Variants in C7 observed in about 807,000 individuals in gnomAD.
C7 encodes complement C7, also known as complement component C7.
Under a neutral mutation model 104.8 loss-of-function variants are expected in C7, and 83 were observed. The ratio of observed to expected loss-of-function variants is 0.79; its 90% CI spans 0.66 to 0.95. The LOEUF (loss-of-function observed/expected upper bound fraction) is 0.95. Among genes scored for constraint, C7 ranks in the 40% least tolerant of loss-of-function variants. The pLI, the probability that C7 is intolerant of heterozygous loss-of-function variation, is 0.00. For synonymous variants in C7, 415 were observed against 360.6 expected (o/e 1.15, Z -1.71); for missense variants, 1,070 against 1,011.2 (o/e 1.06, Z -0.79).
chr5:40,959,645 A>C (rs1229773324), intron 12 of C7, 25 bp downstream of exon 12: 9 of 1,543,910 alleles, frequency 5.8e-6, no homozygotes, highest in Non-Finnish European at 7.9e-6. Flanking sequence ...ACCCCCTGGC[A>C]GTTGCATAGA....
At chr5:40,933,782 C>A (rs1456969224) in intron 3 of C7, among the ~76,000 whole-genome samples, 1 of 152,166 alleles carries the variant, frequency 6.6e-6, no homozygotes, top group African/African-American at 2.4e-5. Flanking sequence ...AACCCCTTTC[C>A]CAGTACCTTA....
intron 1 of C7, among the ~76,000 whole-genome samples, chr5:40,924,157 T>C (rs145973292): frequency 8.5e-4 from 129 of 152,320 alleles, no homozygotes; most frequent in African/African-American, 2.6e-3. Context: ...CAAGATAGAA[T>C]TGGGGTACAG....
chr5:40,952,478 T>TTTTG (rs1554043105), intron 9 of C7, among the ~76,000 whole-genome samples: 1 of 149,224 alleles, frequency 6.7e-6, no homozygotes, highest in Non-Finnish European at 1.5e-5. Context: ...CTGTAATTCT[T>TTTTG]TTTATTTATT....
rs1006485988 is a variant in C7 at position 40,983,590 on chromosome 5, T to C, written c.*2017T>C. Among the ~76,000 whole-genome samples, 5 of 152,198 alleles carry C rather than the reference T, an allele frequency of 3.3e-5. No individual in the cohort carries two copies. The highest frequency in any genetic ancestry group is 7.3e-5 in the Non-Finnish European group (5 of 68,030). On this transcript the variant is annotated 3_prime_UTR_variant, in exon 18 of 18. Coordinates refer to ENST00000313164, the MANE Select transcript of C7 (RefSeq NM_000587.4). ...TCCTTTTCTTTTCTGAACATTCTTG[T>C]GCTGACCTTTCCTCTAGTCCAACAG...
rs6865949 is a variant in C7 at position 40,915,629 on chromosome 5, C to A, written c.6+6013C>A. Reference sequence around the variant, plus strand: ...ATTTAAAACAAAAACGTCTTAAAAACTTATACGATCCACATGTTTGTTGAA... The same window carrying A: ...ATTTAAAACAAAAACGTCTTAAAAAATTATACGATCCACATGTTTGTTGAA... On this transcript the variant is annotated intron_variant, in intron 1 of 17. Coordinates refer to ENST00000313164, the MANE Select transcript of C7 (RefSeq NM_000587.4). Among the ~76,000 whole-genome samples, 1,128 of 152,224 alleles carry A rather than the reference C, an allele frequency of 7.4e-3. 18 individuals carry two copies. The highest frequency in any genetic ancestry group is 0.026 in the African/African-American group (1,083 of 41,542).
In C7 at chr5:40,931,135, C is replaced by T. The variant is rs78327832; in HGVS notation, c.134C>T (p.Thr45Ile). Residue 45 changes from threonine (T) to isoleucine (I), a missense_variant, in exon 3 of 18, where the codon ACT becomes ATT. Transcript: ENST00000313164. ...PWSECNGCTK[T>I]QTRRRSVAVY... ...TCAGAATGCAATGGCTGTACCAAGA[C>T]TCAGGTAGGACCATGCAAAACTTTG... 834 of 1,611,540 alleles carry T rather than the reference C, an allele frequency of 5.2e-4. 7 individuals carry two copies. The Admixed American group carries it at 6.2e-3, about 12-fold the overall frequency.
At position 40,981,697 on chromosome 5, in the gene C7, A is replaced by T; in HGVS notation, c.*124A>T. On this transcript the variant is annotated 3_prime_UTR_variant, in exon 18 of 18. Transcript: ENST00000313164. The stretch of plus-strand genomic sequence containing the variant: ...TCTCCAGTGTCTACCTTCCTCCTCA[A>T]CTCCCAGCCATCTGTATAAACACAA... The T allele has an allele frequency of 1.4e-6, 1 of 717,588 alleles. No homozygotes were observed. The allele number at this position is 717,588 out of a possible 1,614,324, so 44.5% of individuals were successfully genotyped here.
chr5:40,940,530 C>T (rs143555638), intron 6 of C7, among the ~76,000 whole-genome samples: 7 of 152,226 alleles, frequency 4.6e-5, no homozygotes, highest in African/African-American at 1.7e-4. Flanking sequence ...AAGAGAAATC[C>T]TAAATGCATA....
chr5:40,932,713 G>A (rs1739722244), intron 3 of C7, among the ~76,000 whole-genome samples: 2 of 152,222 alleles, frequency 1.3e-5, no homozygotes, highest in South Asian at 2.1e-4. Context: ...CATCAAACAC[G>A]TTAAATATTT....
chr5:40,964,262 C>T (rs1409938013), intron 13 of C7, among the ~76,000 whole-genome samples: 7 of 151,594 alleles, frequency 4.6e-5, no homozygotes, highest in African/African-American at 1.5e-4. Context: ...AGGCTGGTCT[C>T]GAACTCCTGA....
In C7 at chr5:40,981,705, C is replaced by T; in HGVS notation, c.*132C>T. 1 of 695,940 alleles carries T rather than the reference C, an allele frequency of 1.4e-6. No individual in the cohort carries two copies. The highest frequency in any genetic ancestry group is 1.8e-5 in the African/African-American group (1 of 55,814). The allele number at this position is 695,940 out of a possible 1,614,324, so 43.1% of individuals were successfully genotyped here. A position where few individuals can be genotyped will look rare whatever the true frequency, so the allele number is the denominator to read the frequency against. ...GTCTACCTTCCTCCTCAACTCCCAGCCATCTGTATAAACACAATCCTTTGT... is the reference window on the plus strand; with the variant it reads ...GTCTACCTTCCTCCTCAACTCCCAGTCATCTGTATAAACACAATCCTTTGT... On this transcript the variant is annotated 3_prime_UTR_variant, in exon 18 of 18. Coordinates refer to ENST00000313164, the MANE Select transcript of C7 (RefSeq NM_000587.4).
At chr5:40,939,193 C>T (rs368047504) in intron 6 of C7, among the ~76,000 whole-genome samples, 3 of 152,152 alleles carry the variant, frequency 2.0e-5, no homozygotes, top group South Asian at 2.1e-4. Context: ...GCAAACATAC[C>T]GTCTTCCAAT....
intron 1 of C7, among the ~76,000 whole-genome samples, chr5:40,918,949 G>C (rs1304534504): frequency 6.5e-5 from 9 of 138,388 alleles, no homozygotes; most frequent in South Asian, 2.4e-4. Flanking sequence ...GAATCTAACA[G>C]ACACACACAC....
intron 16 of C7, among the ~76,000 whole-genome samples, chr5:40,979,326 C>T (rs571330648): frequency 6.6e-6 from 1 of 152,236 alleles, no homozygotes; most frequent in South Asian, 2.1e-4. Context: ...GGGATGAGCT[C>T]ATTTCTCCTG....
In C7 at chr5:40,931,230, A is replaced by G. The variant is rs867853175; in HGVS notation, c.138+91A>G. ...GTATTAACTTTTGAATGTTCATTAA[A>G]TAGTGTCAATATTTTTTGAAAACTA... On this transcript the variant is annotated intron_variant, in intron 3 of 17. Transcript: ENST00000313164. The G allele has an allele frequency of 2.9e-5, 25 of 871,652 alleles. No individual in the cohort carries two copies. The African/African-American group carries it at 3.5e-4, about 12-fold the overall frequency. The allele number at this position is 871,652 out of a possible 1,614,324, so 54.0% of individuals were successfully genotyped here.
intron 2 of C7, 151 bp from the exon 3 acceptor site, chr5:40,930,913 C>T: frequency 1.5e-6 from 1 of 654,288 alleles, no homozygotes; most frequent in South Asian, 1.8e-5. Context: ...GGGCTCCCTC[C>T]ATTTTTATAT....
chr5:40,930,406 ATG>A, intron 2 of C7, among the ~76,000 whole-genome samples: 1 of 151,816 alleles, frequency 6.6e-6, no homozygotes, highest in South Asian at 2.1e-4. Context: ...GGGTTTCACC[ATG>A]ATGGCCCTGT....
chr5:40,968,588 ATATATATATATATTTTTTTTTTTTT>A (rs1263796912), intron 14 of C7, among the ~76,000 whole-genome samples: 513 of 46,244 alleles, frequency 0.011, no homozygotes, highest in Non-Finnish European at 0.013. Context: ...ATATATATAT[ATATATATATATATTTTTTTTTTTTT>A]TTTTTTTTTT....
chr5:40,980,508 G>C (rs1169396036), intron 17 of C7, among the ~76,000 whole-genome samples: 2 of 152,172 alleles, frequency 1.3e-5, no homozygotes, highest in Non-Finnish European at 2.9e-5. Flanking sequence ...TTCTCACGTT[G>C]TGATTCAATA....
Sources: gnomAD v4.1 joint callset for allele counts (sites outside exome capture counted in the v4.1 genomes callset) on GRCh38, gnomAD v4.1.1 for gene constraint, MANE v1.5 for transcripts, NCBI Gene and HGNC (gene_info 2026-07-23, HGNC 2026-07-21) for gene names.